ITGAM: variants seen among roughly 807,000 people sequenced by gnomAD.
The protein encoded by ITGAM is integrin subunit alpha M, also known as integrin alpha-M.
Under a neutral mutation model 137.5 loss-of-function variants are expected in ITGAM, and 79 were observed. The ratio of observed to expected loss-of-function variants is 0.57; its 90% confidence interval spans 0.48 to 0.69. ITGAM has a LOEUF of 0.69. Among genes scored for constraint, ITGAM ranks in the 30% least tolerant of loss-of-function variants. The probability of loss-of-function intolerance (pLI) is 0.00; values close to 1 mark genes in which losing one functional copy is unlikely to be tolerated. For missense variants in ITGAM, 1,343 were observed against 1,483.5 expected (o/e 0.91, Z 1.56); for synonymous variants, 583 against 592.3 (o/e 0.98, Z 0.23).
Position 31,331,184 on chromosome 16 carries a change from C to G in ITGAM, c.3296C>G (p.Pro1099Arg). 6.2e-7 allele frequency: 1 copy of G among 1,611,220 alleles called. No individual in the cohort carries two copies. Among genetic ancestry groups the G allele is most frequent in the Non-Finnish European group, 8.5e-7 (1 of 1,177,770 alleles). Residue 1099 changes from proline to arginine, a missense_variant, in exon 29 of 30, where the codon CCG (proline) becomes CGG (arginine). Physicochemically the swap from Pro to Arg is moderately radical, Grantham distance 103. Coordinates refer to ENST00000544665, the MANE Select transcript of ITGAM (RefSeq NM_000632.4). ...CCCCAGACGGAGACCAAAGTGGAGC[C>G]GTTCGAGGTCCCCAACCCCCTGCCG... Reference protein sequence around the residue: ...VRSQTETKVEPFEVPNPLPLI... With the variant: ...VRSQTETKVERFEVPNPLPLI...
chr16:31,291,844 G>A (rs2080090265), intron 12 of ITGAM, among the ~76,000 whole-genome samples: 1 of 152,048 alleles, frequency 6.6e-6, no homozygotes, highest in Admixed American at 6.6e-5. Flanking sequence ...CAAAAATACA[G>A]TTAGGAAAAA....
chr16:31,292,572 A>AT (rs1194848365), intron 12 of ITGAM, among the ~76,000 whole-genome samples: 1 of 152,116 alleles, frequency 6.6e-6, no homozygotes, highest in Non-Finnish European at 1.5e-5. Flanking sequence ...AGCTCCATCC[A>AT]TGTTCCCACA....
chr16:31,278,636 T>C (rs1193402806), intron 12 of ITGAM, among the ~76,000 whole-genome samples: 1 of 152,236 alleles, frequency 6.6e-6, no homozygotes. Context: ...TCACATATTA[T>C]GTGGGAACTA....
At chr16:31,316,838 T>C (rs186723521) in intron 14 of ITGAM, among the ~76,000 whole-genome samples, 72 of 152,340 alleles carry the variant, frequency 4.7e-4, no homozygotes, top group African/African-American at 1.7e-3. Flanking sequence ...TTAAATTAAC[T>C]TGTAAGCATT....
intron 14 of ITGAM, among the ~76,000 whole-genome samples, chr16:31,308,455 C>T (rs2080288612): frequency 6.6e-6 from 1 of 152,032 alleles, no homozygotes; most frequent in African/African-American, 2.4e-5. Flanking sequence ...TTGTAGTATC[C>T]TCTGATGGTA....
intron 14 of ITGAM, 112 bp downstream of exon 14, chr16:31,298,066 C>T: frequency 9.0e-6 from 8 of 886,538 alleles, no homozygotes; most frequent in South Asian, 4.5e-5. Context: ...CTTTCAGAAC[C>T]TTCAAAAATA....
intron 14 of ITGAM, among the ~76,000 whole-genome samples, chr16:31,308,434 C>T (rs1275063152): frequency 1.3e-5 from 2 of 152,236 alleles, no homozygotes; most frequent in African/African-American, 2.4e-5. Flanking sequence ...AGTTTATTTG[C>T]GTAGAGGTGT....
intron 22 of ITGAM, 66 bp downstream of exon 22, chr16:31,327,001 T>C: frequency 8.1e-7 from 1 of 1,242,048 alleles, no homozygotes; most frequent in Non-Finnish European, 1.2e-6. Context: ...TGGCCCATGG[T>C]GGGCCTTTGC....
At chr16:31,316,713 C>A (rs2080396130) in intron 14 of ITGAM, among the ~76,000 whole-genome samples, 1 of 152,104 alleles carries the variant, frequency 6.6e-6, no homozygotes, top group Non-Finnish European at 1.5e-5. Context: ...ATAGTATGGA[C>A]CTTTAAAAAT....
At chr16:31,270,703 A>G (rs868312739) in intron 5 of ITGAM, among the ~76,000 whole-genome samples, 3,766 of 64,588 alleles carry the variant, frequency 0.058, 202 homozygotes, top group African/African-American at 0.2. Flanking sequence ...GTGTGTGTAT[A>G]TATATATATA....
chr16:31,271,760 T>C (rs1436211976), intron 6 of ITGAM, 87 bp from the exon 7 acceptor site: 1 of 1,492,994 alleles, frequency 6.7e-7, no homozygotes, highest in Non-Finnish European at 9.1e-7. Context: ...GAGAGTGGAG[T>C]GTTTAAGATC....
At chr16:31,302,914 CTCCCTCTTTCTTTCTT>C (rs1268851681) in intron 14 of ITGAM, among the ~76,000 whole-genome samples, 18 of 144,076 alleles carry the variant, frequency 1.2e-4, no homozygotes, top group Admixed American at 8.4e-4. Context: ...CTCTCTTTCC[CTCCCTCTTTCTTTCTT>C]TCTTTCTTTC....
chr16:31,285,804 T>C (rs915233973), intron 12 of ITGAM, among the ~76,000 whole-genome samples: 19 of 146,028 alleles, frequency 1.3e-4, no homozygotes, highest in South Asian at 2.1e-4. Context: ...TTCTCTCTCT[T>C]TTTTTTTTTT....
intron 8 of ITGAM, among the ~76,000 whole-genome samples, chr16:31,274,296 G>A (rs2079882316): frequency 6.6e-6 from 1 of 152,128 alleles, no homozygotes; most frequent in South Asian, 2.1e-4. Context: ...AGCAAACAAA[G>A]TAACATTTAA....
At chr16:31,298,284 C>T (rs1361572213) in intron 14 of ITGAM, among the ~76,000 whole-genome samples, 5 of 151,442 alleles carry the variant, frequency 3.3e-5, no homozygotes, top group South Asian at 2.1e-4. Flanking sequence ...AGGCTGAGGC[C>T]GGAGGATTAC....
In ITGAM at chr16:31,321,358, GTGC is replaced by G. The variant is rs2080448293; in HGVS notation, c.1833_1835del (p.Leu612del). On this transcript the variant is annotated inframe_deletion, in exon 15 of 30. Transcript: ENST00000544665. ...CCTGACTGTAGGAGCCCAGGGGCAC[GTGC>G]TGCTGCTCAGGTGAGAATGCCTTTT... 1.2e-6 allele frequency: 2 copies of G among 1,613,908 alleles called. No individual in the cohort carries two copies. Among genetic ancestry groups the G allele is most frequent in the Non-Finnish European group, 1.7e-6 (2 of 1,179,912 alleles).
In ITGAM at chr16:31,325,345, A is replaced by G. The variant is rs1234113837; in HGVS notation, c.2446A>G (p.Thr816Ala). The G allele has an allele frequency of 1.2e-6, 2 of 1,613,922 alleles. No individual in the cohort carries two copies. The highest frequency in any genetic ancestry group is 1.1e-5 in the South Asian group (1 of 91,078). Residue 816 changes from threonine (T) to alanine (A), a missense_variant, in exon 20 of 30, where the codon ACA (threonine) becomes GCA (alanine). Coordinates refer to ENST00000544665, the MANE Select transcript of ITGAM (RefSeq NM_000632.4). ...VRNDGEDSYRTQVTFFFPLDL... is the reference protein window; with the variant it reads ...VRNDGEDSYRAQVTFFFPLDL... The stretch of plus-strand genomic sequence containing the variant: ...AAATGATGGTGAGGACTCCTACAGG[A>G]CACAGGTCACCTTCTTCTTCCCGCT...
chr16:31,297,911 T>C lies in ITGAM; in HGVS notation c.1664T>C (p.Phe555Ser). ...EEDNRGAVYL[F>S]HGTSGSGISP... Reference sequence around the variant, plus strand: ...GACAACCGGGGTGCTGTTTACCTGTTTCACGGAACCTCAGGATCTGGCATC... The same window carrying C: ...GACAACCGGGGTGCTGTTTACCTGTCTCACGGAACCTCAGGATCTGGCATC... The change falls in exon 14 of 30, where the codon TTT (phenylalanine) becomes TCT (serine). Residue 555 changes from phenylalanine (F) to serine (S), a missense_variant. Transcript: ENST00000544665. The C allele has an allele frequency of 6.2e-7, 1 of 1,613,796 alleles. No individual in the cohort carries two copies. Among genetic ancestry groups the C allele is most frequent in the East Asian group, 2.2e-5 (1 of 44,846 alleles).
At chr16:31,296,271 A>T (rs1597006997) in intron 12 of ITGAM, among the ~76,000 whole-genome samples, 1 of 144,016 alleles carries the variant, frequency 6.9e-6, no homozygotes, top group Non-Finnish European at 1.5e-5. Flanking sequence ...TGCCCTGCTA[A>T]TTTTTTTTTT....
Sources: allele counts gnomAD v4.1 joint callset (sites outside exome capture counted in the v4.1 genomes callset), GRCh38; gene constraint gnomAD v4.1.1; transcripts MANE v1.5; gene names NCBI Gene and HGNC (gene_info 2026-07-23, HGNC 2026-07-21).